Variants in SUMF1 observed in about 807,000 individuals in gnomAD.
The protein encoded by SUMF1 is sulfatase modifying factor 1.
A neutral mutation model predicts 47.6 loss-of-function variants in SUMF1; 48 were observed. That is an observed-to-expected ratio of 1.01 (90% CI 0.80 to 1.28). The LOEUF is 1.28. Among genes scored for constraint, SUMF1 ranks in the 50% most tolerant of loss-of-function variants. The probability of loss-of-function intolerance (pLI) is 0.00; values close to 1 mark genes in which losing one functional copy is unlikely to be tolerated. For synonymous variants in SUMF1, 230 were observed against 192.1 expected (o/e 1.20, Z -1.63); for missense variants, 571 against 485.4 (o/e 1.18, Z -1.66).
At chr3:4,391,218 T>C (rs1305145249) in intron 7 of SUMF1, among the ~76,000 whole-genome samples, 1 of 152,130 alleles carries the variant, frequency 6.6e-6, no homozygotes, top group Non-Finnish European at 1.5e-5. Flanking sequence ...AGTGTCAATA[T>C]GATTTGTCCA....
chr3:4,417,197 A>T lies in SUMF1; in HGVS notation c.771T>A (p.Tyr257Ter). Residue 257 changes from tyrosine to a stop codon, truncating the protein, a stop_gained, in exon 6 of 9, where the codon TAT becomes TAA. Transcript: ENST00000272902. LOFTEE classifies it high-confidence loss of function. ...GNKLQPKGQH[Y>*]ANIWQGEFPV... ...GAAACTCGCCCTGCCAAATGTTGGC[A>T]TAATGCTGGCCTTTGGGCTGCAGTT... The T allele has an allele frequency of 1.2e-6, 2 of 1,614,096 alleles. No individual in the cohort carries two copies. The highest frequency in any genetic ancestry group is 1.7e-6 in the Non-Finnish European group (2 of 1,179,956).
intron 1 of SUMF1, among the ~76,000 whole-genome samples, chr3:4,464,718 A>G (rs2079898290): frequency 6.6e-6 from 1 of 152,248 alleles, no homozygotes; most frequent in Admixed American, 6.5e-5. Flanking sequence ...ATGAACTAAA[A>G]CATTTGAAAC....
At chr3:4,437,725 G>A (rs1384199735) in intron 3 of SUMF1, among the ~76,000 whole-genome samples, 1 of 152,128 alleles carries the variant, frequency 6.6e-6, no homozygotes, top group Non-Finnish European at 1.5e-5. Flanking sequence ...GATCACTTGA[G>A]TTCAGGAGTT....
At chr3:4,211,121 TACACACACACACACATATATACATATAC>T (rs1695775461) in intron 8 of SUMF1, among the ~76,000 whole-genome samples, 6 of 128,274 alleles carry the variant, frequency 4.7e-5, no homozygotes, top group South Asian at 2.6e-4. Flanking sequence ...TATATATATA[TACACACACACACACATATATACATATAC>T]ATATATATAC....
intron 8 of SUMF1, among the ~76,000 whole-genome samples, chr3:4,137,446 G>A (rs1475687266): frequency 3.3e-5 from 5 of 150,606 alleles, no homozygotes; most frequent in African/African-American, 1.2e-4. Context: ...CACAGAAAGT[G>A]GAACATCACA....
At chr3:4,176,528 G>C (rs2600127) in intron 8 of SUMF1, among the ~76,000 whole-genome samples, 141,028 of 152,230 alleles carry the variant, frequency 0.93, 65,379 homozygotes, top group East Asian at 1. Flanking sequence ...TACAATAGCT[G>C]CTGAAGGAAG....
In SUMF1 at chr3:4,188,485, G is replaced by A. The variant is rs1485253; in HGVS notation, c.1015-119740C>T. Among the ~76,000 whole-genome samples the A allele has an allele frequency of 6.8e-3, 1,038 of 152,162 alleles. 11 individuals are homozygous for A. The highest frequency in any genetic ancestry group is 0.023 in the African/African-American group (974 of 41,526). The stretch of plus-strand genomic sequence containing the variant: ...AACTTACCCCAATCCATGATGAAAC[G>A]TTTTCATACACATGTTCTCTCTCTC... On this transcript the variant is annotated intron_variant and NMD_transcript_variant, in intron 8 of 12. Transcript: ENST00000448413.
At chr3:4,111,127 A>G (rs1693296388) in intron 8 of SUMF1, among the ~76,000 whole-genome samples, 1 of 151,680 alleles carries the variant, frequency 6.6e-6, no homozygotes, top group South Asian at 2.1e-4. Context: ...GGATATTCGC[A>G]GATTGGTTCC....
rs534719805 is a variant in SUMF1, at chr3:4,438,260, T to C, written c.519+11006A>G. The stretch of plus-strand genomic sequence containing the variant: ...AAAAAAAAGATCTCATAGAAATACA[T>C]AGATTAAAAAGAAAGATGCACCTCA... On this transcript the variant is annotated intron_variant, in intron 3 of 8. Transcript: ENST00000272902. Among the ~76,000 whole-genome samples, 185 of 151,160 alleles carry C rather than the reference T, an allele frequency of 1.2e-3. 1 individual carries two copies. Among genetic ancestry groups the C allele is most frequent in the African/African-American group, 4.3e-3 (179 of 41,176 alleles).
At chr3:4,213,515 A>C (rs1245297548) in intron 8 of SUMF1, among the ~76,000 whole-genome samples, 1 of 152,192 alleles carries the variant, frequency 6.6e-6, no homozygotes. Context: ...TAACAGGCAA[A>C]ACAACCAGCT....
chr3:4,121,624 C>G (rs1406489378), intron 8 of SUMF1, among the ~76,000 whole-genome samples: 2 of 152,050 alleles, frequency 1.3e-5, no homozygotes, highest in African/African-American at 4.8e-5. Context: ...CCATTATGAC[C>G]TAGCAATTTC....
chr3:4,071,045 G>A (rs1695509659), intron 8 of SUMF1, among the ~76,000 whole-genome samples: 1 of 152,040 alleles, frequency 6.6e-6, no homozygotes, highest in Non-Finnish European at 1.5e-5. Context: ...TATTTTCACT[G>A]TTCTGGTAGG....
intron 7 of SUMF1, among the ~76,000 whole-genome samples, chr3:4,394,568 T>G (rs1422247838): frequency 6.6e-6 from 1 of 152,232 alleles, no homozygotes; most frequent in African/African-American, 2.4e-5. Flanking sequence ...GTCCCAGCTT[T>G]GTAATGTGTC....
chr3:4,303,713 C>T (rs1463706651), intron 8 of SUMF1: 1 of 1,505,812 alleles, frequency 6.6e-7, no homozygotes, highest in Non-Finnish European at 8.9e-7. Flanking sequence ...CACGGCATCA[C>T]CTTAGCAAGG....
At chr3:4,374,847 T>C (rs1267043725) in intron 8 of SUMF1, among the ~76,000 whole-genome samples, 3 of 152,138 alleles carry the variant, frequency 2.0e-5, no homozygotes, top group African/African-American at 4.8e-5. Context: ...CCTGGGACAA[T>C]GCTTTTAATT....
intron 8 of SUMF1, among the ~76,000 whole-genome samples, chr3:4,111,070 A>AT (rs201592526): frequency 1.3e-5 from 2 of 151,416 alleles, no homozygotes; most frequent in Non-Finnish European, 2.9e-5. Flanking sequence ...CAAAGTCAGC[A>AT]TTTTTTTTAA....
At chr3:4,061,386 C>T (rs188068355) in intron 9 of SUMF1, among the ~76,000 whole-genome samples, 106 of 152,274 alleles carry the variant, frequency 7.0e-4, no homozygotes, top group Admixed American at 2.0e-3. Context: ...TCTCACCCAT[C>T]ATGATTGCCT....
chr3:4,235,481 T>C (rs541698552), intron 8 of SUMF1, among the ~76,000 whole-genome samples: 65 of 152,052 alleles, frequency 4.3e-4, no homozygotes, highest in Non-Finnish European at 7.8e-4. Flanking sequence ...AAATACAGCA[T>C]AGAAGAAAGC....
intron 8 of SUMF1, among the ~76,000 whole-genome samples, chr3:4,089,867 C>G (rs1692747638): frequency 1.3e-5 from 2 of 152,124 alleles, no homozygotes; most frequent in Non-Finnish European, 2.9e-5. Context: ...CTTCAGAGTT[C>G]TTTCATTTGC....
Sources: gnomAD v4.1 joint callset for allele counts (sites outside exome capture counted in the v4.1 genomes callset) on GRCh38, gnomAD v4.1.1 for gene constraint, MANE v1.5 for transcripts, NCBI Gene and HGNC (gene_info 2026-07-23, HGNC 2026-07-21) for gene names.